The following AFG2B variants were observed in gnomAD, a reference collection of about 807,000 sequenced individuals.
AFG2B encodes the protein AAA ATPase AFG2B, also known as ATPase family gene 2 protein homolog B.
the AFG2B span, chr15:45,415,767 T>G: frequency 1.2e-6 from 2 of 1,613,602 alleles, no homozygotes; most frequent in African/African-American, 2.7e-5. Context: ...AGGAAGTAAA[T>G]CAAGTCAACA....
the AFG2B span, among the ~76,000 whole-genome samples, chr15:45,410,054 AAGAT>A: frequency 2.0e-5 from 3 of 152,216 alleles, no homozygotes; most frequent in Admixed American, 2.0e-4. Flanking sequence ...AAAGCTCTCT[AAGAT>A]AGGTGAAAGA....
At chr15:45,402,721 C>T in the AFG2B span, 11 of 1,564,532 alleles carry the variant, frequency 7.0e-6, no homozygotes, top group Non-Finnish European at 6.0e-6. Flanking sequence ...CAGCCTGAAT[C>T]GCCTCCTCCT....
At chr15:45,412,052 C>T in the AFG2B span, among the ~76,000 whole-genome samples, 17 of 146,530 alleles carry the variant, frequency 1.2e-4, no homozygotes, top group East Asian at 8.1e-4. Flanking sequence ...GAGCCAAGAC[C>T]ACGCCATTGT....
At chr15:45,402,864 C>T in the AFG2B span, 4 of 1,598,598 alleles carry the variant, frequency 2.5e-6, no homozygotes, top group Non-Finnish European at 3.4e-6. Context: ...GACCGATCTC[C>T]CTGGGCCACG....
the AFG2B span, among the ~76,000 whole-genome samples, chr15:45,420,694 TAAA>T: frequency 6.7e-6 from 1 of 148,768 alleles, no homozygotes; most frequent in African/African-American, 2.5e-5. Context: ...CATATATTGT[TAAA>T]AAAAAAAGAA....
chr15:45,420,694 TA>T, the AFG2B span, among the ~76,000 whole-genome samples: 8 of 148,718 alleles, frequency 5.4e-5, no homozygotes, highest in Admixed American at 6.7e-5. Flanking sequence ...CATATATTGT[TA>T]AAAAAAAAAG....
At chr15:45,414,875 C>A in the AFG2B span, 1 of 1,093,172 alleles carries the variant, frequency 9.1e-7, no homozygotes, top group Non-Finnish European at 1.3e-6. Flanking sequence ...AGTGTTTTTT[C>A]CAGTTAAAAA....
At chr15:45,410,462 A>G in the AFG2B span, 1 of 1,613,734 alleles carries the variant, frequency 6.2e-7, no homozygotes. Context: ...CATTGGATTA[A>G]TGGATATCAA....
the AFG2B span, chr15:45,403,588 C>T: frequency 1.5e-5 from 23 of 1,564,808 alleles, no homozygotes; most frequent in African/African-American, 3.1e-4. Flanking sequence ...TTTGGCTGCC[C>T]CGGAGGCGTT....
At chr15:45,402,380 C>T in the AFG2B span, 6 of 1,557,398 alleles carry the variant, frequency 3.9e-6, no homozygotes, top group East Asian at 2.4e-5. Flanking sequence ...TTTTTGTGGG[C>T]CGGGTGGGTT....
At chr15:45,405,760 G>C in the AFG2B span, among the ~76,000 whole-genome samples, 1 of 152,178 alleles carries the variant, frequency 6.6e-6, no homozygotes, top group Non-Finnish European at 1.5e-5. Context: ...CTGAAGCCCA[G>C]AGCAGCCAAG....
chr15:45,415,209 A>G, the AFG2B span, among the ~76,000 whole-genome samples: 1 of 152,158 alleles, frequency 6.6e-6, no homozygotes, highest in African/African-American at 2.4e-5. Context: ...AAAAATTATA[A>G]ATAGTGGCCA....
the AFG2B span, chr15:45,415,457 C>T: frequency 1.3e-6 from 1 of 752,556 alleles, no homozygotes; most frequent in Non-Finnish European, 2.0e-6. Context: ...GAAATCGCAT[C>T]ACTACACTCC....
the AFG2B span, among the ~76,000 whole-genome samples, chr15:45,419,738 G>A: frequency 1.3e-5 from 2 of 151,790 alleles, no homozygotes; most frequent in African/African-American, 4.8e-5. Flanking sequence ...ACTATTGGCT[G>A]GGCTTAGTGA....
the AFG2B span, among the ~76,000 whole-genome samples, chr15:45,404,830 A>C: frequency 1.3e-5 from 2 of 151,510 alleles, no homozygotes; most frequent in South Asian, 2.1e-4. Context: ...AAAAGAAAAA[A>C]AAAATATATA....
the AFG2B span, chr15:45,414,796 CAT>C: frequency 6.3e-7 from 1 of 1,598,478 alleles, no homozygotes; most frequent in South Asian, 1.1e-5. Context: ...TTTATTTCCC[CAT>C]ATGTTTAAAT....
chr15:45,418,519 T>C, the AFG2B span: 9 of 1,547,602 alleles, frequency 5.8e-6, no homozygotes, highest in African/African-American at 7.0e-5. Flanking sequence ...AACATAAATG[T>C]TATAAGATTT....
the AFG2B span, among the ~76,000 whole-genome samples, chr15:45,416,183 T>TG: frequency 6.6e-6 from 1 of 152,248 alleles, no homozygotes; most frequent in Non-Finnish European, 1.5e-5. Flanking sequence ...CCCAGCACTT[T>TG]GGGAGGCCAA....
chr15:45,407,311 A>T, the AFG2B span: 849 of 1,035,952 alleles, frequency 8.2e-4, 1 homozygote, highest in Non-Finnish European at 9.7e-4. Context: ...GGGATACCTT[A>T]CACTTTGTTA....
Sources: gnomAD v4.1 joint callset for allele counts (sites outside exome capture counted in the v4.1 genomes callset) on GRCh38, gnomAD v4.1.1 for gene constraint, MANE v1.5 for transcripts, NCBI Gene and HGNC (gene_info 2026-07-23, HGNC 2026-07-21) for gene names.